Variants in PCLO observed in about 807,000 individuals in gnomAD.
PCLO encodes piccolo presynaptic cytomatrix protein, also known as protein piccolo.
In PCLO, 82 loss-of-function variants were observed where a neutral mutation model predicts 427.5. The ratio of observed to expected loss-of-function variants is 0.19; its 90% CI spans 0.16 to 0.23. The LOEUF (loss-of-function observed/expected upper bound fraction) is 0.23, where lower values mean the gene tolerates loss of function less well. Among genes scored for constraint, PCLO ranks in the 10% least tolerant of loss-of-function variants. The pLI, the probability that PCLO is intolerant of heterozygous loss-of-function variation, is 1.00. For missense variants in PCLO, 6,239 were observed against 6,115.9 expected (o/e 1.02, Z -0.67); for synonymous variants, 2,357 against 2,155.4 (o/e 1.09, Z -2.59).
In PCLO at chr7:82,916,661, C is replaced by T. The variant is rs1420715051; in HGVS notation, c.11325G>A (p.Arg3775=). 6.2e-7 allele frequency: 1 copy of T among 1,613,468 alleles called. No homozygotes were observed. The highest frequency in any genetic ancestry group is 1.3e-5 in the African/African-American group (1 of 74,896). The change falls in exon 7 of 25, where the codon AGG becomes AGA. Residue 3775 remains arginine (R), a synonymous_variant. Coordinates refer to ENST00000333891, the MANE Select transcript of PCLO (RefSeq NM_033026.6). The stretch of plus-strand genomic sequence containing the variant: ...GTTTCTTTCGAAGTTTTGCAGACTC[C>T]CTTTCCACAAGATCAAGCTCTCTGT... ...DIDRELDLVE[R]ESAKLRKKQA... is the part of the protein sequence containing the mutation.
At chr7:83,111,737 C>G (rs912318598) in intron 3 of PCLO, among the ~76,000 whole-genome samples, 1 of 152,216 alleles carries the variant, frequency 6.6e-6, no homozygotes, top group Non-Finnish European at 1.5e-5. Flanking sequence ...ATCTATAAAA[C>G]TATGAGCTAT....
chr7:82,829,137 A>T (rs555531610), intron 16 of PCLO, among the ~76,000 whole-genome samples: 1 of 152,286 alleles, frequency 6.6e-6, no homozygotes, highest in African/African-American at 2.4e-5. Flanking sequence ...ATCAAACTCC[A>T]GCTCACCACT....
At chr7:82,860,996 T>C (rs1014245793) in intron 10 of PCLO, among the ~76,000 whole-genome samples, 15 of 151,920 alleles carry the variant, frequency 9.9e-5, no homozygotes, top group Non-Finnish European at 1.5e-5. Flanking sequence ...AAAACTAAAT[T>C]ATATCACTAG....
At chr7:82,793,396 C>T (rs1041255964) in intron 22 of PCLO, among the ~76,000 whole-genome samples, 1 of 152,066 alleles carries the variant, frequency 6.6e-6, no homozygotes, top group Admixed American at 6.6e-5. Flanking sequence ...GACACTCTGC[C>T]GCAGTTGCAC....
At chr7:82,977,410 T>TTATG (rs1796044523) in intron 3 of PCLO, among the ~76,000 whole-genome samples, 1 of 149,836 alleles carries the variant, frequency 6.7e-6, no homozygotes, top group African/African-American at 2.4e-5. Flanking sequence ...ATTTATTTAT[T>TTATG]TATTTATTTA....
At chr7:82,826,992 C>G (rs369022903) in intron 17 of PCLO, among the ~76,000 whole-genome samples, 3 of 151,926 alleles carry the variant, frequency 2.0e-5, no homozygotes. Context: ...TCATAGATTG[C>G]AAAAATGTCT....
At chr7:82,999,372 A>G (rs1254694655) in intron 3 of PCLO, among the ~76,000 whole-genome samples, 1 of 131,940 alleles carries the variant, frequency 7.6e-6, no homozygotes, top group Non-Finnish European at 1.5e-5. Context: ...TCCATTATAT[A>G]TTACATATTA....
At chr7:83,076,624 C>CTTTTTTTTTTTTTTTTTCCT (rs11332065) in intron 3 of PCLO, among the ~76,000 whole-genome samples, 1 of 129,820 alleles carries the variant, frequency 7.7e-6, no homozygotes, top group African/African-American at 2.9e-5. Context: ...TGTTATTTTC[C>CTTTTTTTTTTTTTTTTTCCT]TTTTTTTTTT....
chr7:83,059,017 C>G lies in PCLO; in HGVS notation c.3300+75233G>C, dbSNP rs1274822853. ...TCTCAGATTAGAAGGAACTAAAATT[C>G]CTTCTTACATTTATTCTTGTCAGAA... On this transcript the variant is annotated intron_variant, in intron 3 of 24. Transcript: ENST00000333891. 8.6e-5 allele frequency among the ~76,000 whole-genome samples: 13 copies of G among 151,774 alleles called. No homozygotes were observed. In the East Asian group the frequency reaches 2.5e-3, roughly 29 times the overall value.
intron 3 of PCLO, among the ~76,000 whole-genome samples, chr7:82,991,204 GTATCTATCTGTC>G (rs1243403901): frequency 2.0e-5 from 3 of 151,900 alleles, no homozygotes; most frequent in Non-Finnish European, 4.4e-5. Context: ...TCTATTTATA[GTATCTATCTGTC>G]TATCTATCTA....
At chr7:82,935,581 A>T (rs1279673658) in intron 6 of PCLO, among the ~76,000 whole-genome samples, 1 of 151,736 alleles carries the variant, frequency 6.6e-6, no homozygotes, top group Non-Finnish European at 1.5e-5. Context: ...TGTCTACACA[A>T]AGATAAGTTT....
intron 3 of PCLO, among the ~76,000 whole-genome samples, chr7:83,097,623 T>C (rs1790626700): frequency 8.6e-6 from 1 of 116,956 alleles, no homozygotes; most frequent in East Asian, 3.8e-4. Context: ...TCACGTATCA[T>C]GCTTTATAAA....
chr7:82,902,781 A>G, intron 8 of PCLO, 40 bp from the exon 9 acceptor site: 1 of 968,398 alleles, frequency 1.0e-6, no homozygotes, highest in Non-Finnish European at 1.7e-6. Flanking sequence ...CCAGCATTAA[A>G]GACACTTAAA....
intron 3 of PCLO, among the ~76,000 whole-genome samples, chr7:83,071,117 T>G (rs1789805243): frequency 6.6e-6 from 1 of 152,158 alleles, no homozygotes; most frequent in Non-Finnish European, 1.5e-5. Context: ...GTTAATTATA[T>G]TCACACTGTT....
chr7:82,765,990 G>C (rs1790524611), intron 22 of PCLO, among the ~76,000 whole-genome samples: 2 of 152,006 alleles, frequency 1.3e-5, no homozygotes, highest in Admixed American at 6.6e-5. Flanking sequence ...AAGAAGTGAT[G>C]TCTAGGAATG....
Position 82,805,770 on chromosome 7 carries a change from T to C in PCLO, c.14851A>G (p.Ser4951Gly). The change falls in exon 21 of 25, where the codon AGC (serine) becomes GGC (glycine). Residue 4951 changes from serine to glycine, a missense_variant. Coordinates refer to ENST00000333891, the MANE Select transcript of PCLO (RefSeq NM_033026.6). The part of the protein sequence containing the change: ...SSVSTGSSGS[S>G]FGSGYSVDSE... ...TCCACGCTATACCCACTGCCAAAGC[T>C]GCTGCCCGAGGAGCCGGTGGACACA... is the stretch of plus-strand genomic sequence containing the variant. 6.2e-7 allele frequency: 1 copy of C among 1,611,360 alleles called. No homozygotes were observed. The highest frequency in any genetic ancestry group is 8.5e-7 in the Non-Finnish European group (1 of 1,178,722).
intron 3 of PCLO, among the ~76,000 whole-genome samples, chr7:83,072,527 T>C (rs936122582): frequency 6.6e-5 from 10 of 152,004 alleles, no homozygotes; most frequent in African/African-American, 1.7e-4. Context: ...TGTAAGAAAT[T>C]GGGGAAAAAT....
chr7:83,141,641 C>A (rs938111551), intron 2 of PCLO, among the ~76,000 whole-genome samples: 2 of 152,164 alleles, frequency 1.3e-5, no homozygotes, highest in African/African-American at 4.8e-5. Context: ...TTAATTCAAT[C>A]CTTGTGGTTT....
chr7:82,848,458 G>A (rs1003999272), intron 10 of PCLO, among the ~76,000 whole-genome samples: 3 of 151,534 alleles, frequency 2.0e-5, no homozygotes. Context: ...TTACAGGTGT[G>A]CGCCACCACG....
Sources: allele counts gnomAD v4.1 joint callset (sites outside exome capture counted in the v4.1 genomes callset), GRCh38; gene constraint gnomAD v4.1.1; transcripts MANE v1.5; gene names NCBI Gene and HGNC (gene_info 2026-07-23, HGNC 2026-07-21).